The following NEGR1 variants were observed in gnomAD, a reference collection of about 807,000 sequenced individuals.
The protein encoded by NEGR1 is IgLON family member 4.
A neutral mutation model predicts 40.9 loss-of-function variants in NEGR1; 10 were observed. The ratio of observed to expected loss-of-function variants is 0.24; its 90% CI spans 0.15 to 0.42. The LOEUF is 0.42. NEGR1 is among the 10% of genes least tolerant of loss of function. The pLI, the probability that NEGR1 is intolerant of heterozygous loss-of-function variation, is 1.00. For missense variants in NEGR1, 352 were observed against 438.9 expected (o/e 0.80, Z 1.77); for synonymous variants, 185 against 166.8 (o/e 1.11, Z -0.84).
At chr1:71,725,691 T>C (rs1289793910) in intron 3 of NEGR1, among the ~76,000 whole-genome samples, 1 of 152,128 alleles carries the variant, frequency 6.6e-6, no homozygotes, top group Non-Finnish European at 1.5e-5. Context: ...TGGGCTTTTG[T>C]CATTATTGTT....
intron 1 of NEGR1, among the ~76,000 whole-genome samples, chr1:72,249,307 A>G (rs920972355): frequency 6.6e-6 from 1 of 152,204 alleles, no homozygotes; most frequent in African/African-American, 2.4e-5. Flanking sequence ...TTAGAAATAA[A>G]TTTCTGCTAT....
chr1:72,051,060 T>C (rs1045160353), intron 1 of NEGR1, among the ~76,000 whole-genome samples: 1 of 151,664 alleles, frequency 6.6e-6, no homozygotes, highest in East Asian at 1.9e-4. Flanking sequence ...TTTAAAATCC[T>C]ACATGCACTT....
chr1:71,505,327 G>T (rs1051665166), intron 6 of NEGR1, among the ~76,000 whole-genome samples: 1 of 150,662 alleles, frequency 6.6e-6, no homozygotes, highest in Non-Finnish European at 1.5e-5. Context: ...TCGCTCTTTC[G>T]CCGGAGTGCA....
intron 1 of NEGR1, among the ~76,000 whole-genome samples, chr1:72,010,652 G>T (rs1570605054): frequency 6.7e-6 from 1 of 148,580 alleles, no homozygotes; most frequent in East Asian, 2.0e-4. Flanking sequence ...CAGGACTGTA[G>T]AAAGAAAAAA....
chr1:71,543,842 C>T (rs1316024638), intron 6 of NEGR1, among the ~76,000 whole-genome samples: 1 of 151,624 alleles, frequency 6.6e-6, no homozygotes, highest in African/African-American at 2.4e-5. Flanking sequence ...GATTCTTATG[C>T]CTACAACATT....
At chr1:71,641,752 C>A (rs903553299) in intron 4 of NEGR1, among the ~76,000 whole-genome samples, 2 of 152,012 alleles carry the variant, frequency 1.3e-5, no homozygotes, top group Admixed American at 6.6e-5. Flanking sequence ...ACAGACTTGA[C>A]AATTCATTTC....
chr1:72,187,314 T>A (rs1652647420), intron 1 of NEGR1, among the ~76,000 whole-genome samples: 2 of 151,664 alleles, frequency 1.3e-5, no homozygotes, highest in Non-Finnish European at 3.0e-5. Context: ...TTAATTTGTA[T>A]TAGACTTTTT....
At chr1:71,788,574 G>T (rs369626453) in intron 2 of NEGR1, among the ~76,000 whole-genome samples, 8 of 152,046 alleles carry the variant, frequency 5.3e-5, no homozygotes, top group African/African-American at 1.9e-4. Context: ...CAAATTTTCA[G>T]ATATTCTTAA....
intron 4 of NEGR1, among the ~76,000 whole-genome samples, chr1:71,641,358 C>T (rs375558971): frequency 1.1e-4 from 17 of 152,094 alleles, no homozygotes; most frequent in African/African-American, 4.1e-4. Context: ...CTATGAACCA[C>T]ATTAAAAAAG....
chr1:71,464,272 C>T (rs2101347611), intron 6 of NEGR1, among the ~76,000 whole-genome samples: 1 of 152,120 alleles, frequency 6.6e-6, no homozygotes, highest in South Asian at 2.1e-4. Context: ...TTAAATATTC[C>T]TCACAATGAA....
chr1:71,872,428 C>A (rs1660306215), intron 2 of NEGR1, among the ~76,000 whole-genome samples: 1 of 152,082 alleles, frequency 6.6e-6, no homozygotes, highest in Admixed American at 6.6e-5. Context: ...TTACAAGGGG[C>A]CCTGGAGGTA....
intron 6 of NEGR1, among the ~76,000 whole-genome samples, chr1:71,449,786 A>C (rs1164994836): frequency 1.3e-5 from 2 of 152,134 alleles, no homozygotes; most frequent in African/African-American, 2.4e-5. Context: ...ATGATCATTA[A>C]ATGGACTCAG....
chr1:71,476,284 C>T (rs560598466), intron 6 of NEGR1, among the ~76,000 whole-genome samples: 87 of 152,086 alleles, frequency 5.7e-4, no homozygotes, highest in Non-Finnish European at 1.0e-3. Flanking sequence ...TCTTGACTTG[C>T]ATCTTTCCTT....
chr1:72,052,797 A>G (rs1647074720), intron 1 of NEGR1, among the ~76,000 whole-genome samples: 1 of 151,476 alleles, frequency 6.6e-6, no homozygotes, highest in African/African-American at 2.4e-5. Context: ...ATGCATGCTA[A>G]TTTATTACAT....
intron 1 of NEGR1, among the ~76,000 whole-genome samples, chr1:72,034,848 C>T (rs891710694): frequency 3.3e-5 from 5 of 152,110 alleles, no homozygotes; most frequent in Non-Finnish European, 7.4e-5. Flanking sequence ...CAGCCCCAAA[C>T]CATTTTTTCG....
At chr1:72,076,015 C>G (rs1263531650) in intron 1 of NEGR1, among the ~76,000 whole-genome samples, 2 of 152,098 alleles carry the variant, frequency 1.3e-5, no homozygotes, top group Non-Finnish European at 2.9e-5. Context: ...TTATACAAAT[C>G]AAACCAAATA....
intron 3 of NEGR1, among the ~76,000 whole-genome samples, chr1:71,710,948 T>C (rs903908470): frequency 6.6e-6 from 1 of 152,190 alleles, no homozygotes; most frequent in East Asian, 1.9e-4. Context: ...TTCTCCATTA[T>C]GTGCTTATTT....
chr1:72,068,320 G>C (rs1038522748), intron 1 of NEGR1, among the ~76,000 whole-genome samples: 4 of 152,116 alleles, frequency 2.6e-5, no homozygotes, highest in Admixed American at 2.6e-4. Context: ...CCCATGAGAG[G>C]ATCCAGTCAG....
chr1:71,968,051 T>C (rs1396916466), intron 1 of NEGR1, among the ~76,000 whole-genome samples: 3 of 152,218 alleles, frequency 2.0e-5, no homozygotes, highest in Admixed American at 2.0e-4. Context: ...GCCATATGAA[T>C]GTCTCATAAT....
Sources: allele counts gnomAD v4.1 joint callset (sites outside exome capture counted in the v4.1 genomes callset), GRCh38; gene constraint gnomAD v4.1.1; transcripts MANE v1.5; gene names NCBI Gene and HGNC (gene_info 2026-07-23, HGNC 2026-07-21).